SYT1: variants seen among roughly 807,000 people sequenced by gnomAD.
SYT1 encodes synaptotagmin-1.
SYT1 carries 8 observed loss-of-function variants against 44.8 expected under a neutral mutation model. That is an observed-to-expected ratio of 0.18 (90% CI 0.10 to 0.32). The LOEUF (loss-of-function observed/expected upper bound fraction) is 0.32, where lower values mean the gene tolerates loss of function less well. Ranked by LOEUF, SYT1 falls within the 10% of genes least tolerant of loss-of-function variation. The pLI is 1.00. For missense variants in SYT1, 286 were observed against 509.3 expected, an observed-to-expected ratio of 0.56 and a Z score of 4.22; for synonymous variants, 154 against 188.8, an observed-to-expected ratio of 0.82 and a Z score of 1.51.
intron 4 of SYT1, among the ~76,000 whole-genome samples, chr12:79,275,046 GAGA>G (rs1297562910): frequency 1.3e-5 from 2 of 152,166 alleles, no homozygotes; most frequent in African/African-American, 4.8e-5. Flanking sequence ...AGAGGAGCAG[GAGA>G]ATTCACAGTC....
intron 8 of SYT1, among the ~76,000 whole-genome samples, chr12:79,330,468 A>C (rs1009687769): frequency 6.6e-6 from 1 of 152,200 alleles, no homozygotes; most frequent in Non-Finnish European, 1.5e-5. Flanking sequence ...ACATAGAAGA[A>C]AGAGCATGGA....
At chr12:78,866,431 T>C (rs1873547506) in intron 1 of SYT1, among the ~76,000 whole-genome samples, 1 of 152,126 alleles carries the variant, frequency 6.6e-6, no homozygotes, top group Non-Finnish European at 1.5e-5. Context: ...GGGGAAAACA[T>C]TTTTGTAACG....
intron 3 of SYT1, among the ~76,000 whole-genome samples, chr12:79,216,965 C>A (rs1918193): frequency 0.69 from 104,796 of 151,844 alleles, 36,535 homozygotes; most frequent in Admixed American, 0.73. Context: ...ATTCAAGAAC[C>A]AATTACTGTA....
intron 1 of SYT1, among the ~76,000 whole-genome samples, chr12:78,884,642 A>G (rs1383121635): frequency 6.6e-6 from 1 of 151,252 alleles, no homozygotes. Flanking sequence ...TTGCATTTCT[A>G]TATACATTCA....
At chr12:79,144,879 T>C (rs2138229849) in intron 3 of SYT1, among the ~76,000 whole-genome samples, 1 of 152,370 alleles carries the variant, frequency 6.6e-6, no homozygotes, top group South Asian at 2.1e-4. Flanking sequence ...TTCTAAATTT[T>C]GTGTCATGTT....
At chr12:78,957,353 A>G (rs1879266554) in intron 1 of SYT1, among the ~76,000 whole-genome samples, 1 of 152,066 alleles carries the variant, frequency 6.6e-6, no homozygotes, top group South Asian at 2.1e-4. Context: ...TTTTTTCCCT[A>G]CTTTCATTTT....
At chr12:79,180,826 T>TC (rs1872493543) in intron 3 of SYT1, among the ~76,000 whole-genome samples, 1 of 151,998 alleles carries the variant, frequency 6.6e-6, no homozygotes, top group Non-Finnish European at 1.5e-5. Flanking sequence ...TTTGGCTGTG[T>TC]CCCCCAGCCC....
Position 79,310,368 on chromosome 12 carries a change from T to G in SYT1, c.810+10817T>G, listed in dbSNP as rs540835216. Among the ~76,000 whole-genome samples the G allele has an allele frequency of 3.9e-3, 592 of 152,262 alleles. 3 individuals are homozygous for G. The highest frequency in any genetic ancestry group is 0.013 in the African/African-American group (557 of 41,514). On this transcript the variant is annotated intron_variant, in intron 8 of 10. Coordinates refer to ENST00000261205, the MANE Select transcript of SYT1 (RefSeq NM_005639.3). ...TTCTGAGGGCTCTGTTCTGTTCCAT[T>G]GATCTATATCTCTGTTTTGGTACCA...
chr12:79,319,528 A>G (rs2138971743), intron 8 of SYT1, among the ~76,000 whole-genome samples: 1 of 152,298 alleles, frequency 6.6e-6, no homozygotes, highest in African/African-American at 2.4e-5. Flanking sequence ...GCAAGGGATG[A>G]TGTTTTGGTC....
intron 1 of SYT1, among the ~76,000 whole-genome samples, chr12:78,885,317 G>A (rs866849996): frequency 6.0e-5 from 8 of 132,262 alleles, no homozygotes; most frequent in East Asian, 2.4e-4. Flanking sequence ...GAGAGGGAGG[G>A]AAGAAGGAAG....
chr12:79,278,842 A>T (rs527404419), intron 4 of SYT1, among the ~76,000 whole-genome samples: 1 of 152,144 alleles, frequency 6.6e-6, no homozygotes, highest in Admixed American at 6.5e-5. Context: ...GATACTACAG[A>T]AATGTAAAGT....
At chr12:79,057,307 C>A (rs1383207615) in intron 3 of SYT1, among the ~76,000 whole-genome samples, 1 of 151,912 alleles carries the variant, frequency 6.6e-6, no homozygotes, top group Non-Finnish European at 1.5e-5. Context: ...GGAATCCTGG[C>A]AAAGCCTATG....
chr12:79,425,885 A>G (rs1869415015), intron 9 of SYT1, among the ~76,000 whole-genome samples: 1 of 152,236 alleles, frequency 6.6e-6, no homozygotes, highest in South Asian at 2.1e-4. Context: ...CCATTTCCTA[A>G]AAGAGGCATG....
At chr12:79,060,426 T>A (rs149142323) in intron 3 of SYT1, among the ~76,000 whole-genome samples, 1 of 151,966 alleles carries the variant, frequency 6.6e-6, no homozygotes, top group Admixed American at 6.6e-5. Context: ...ACCCTCAGAA[T>A]TTTTTCATCT....
chr12:78,893,793 G>T (rs561703426), intron 1 of SYT1, among the ~76,000 whole-genome samples: 1 of 151,670 alleles, frequency 6.6e-6, no homozygotes, highest in African/African-American at 2.4e-5. Flanking sequence ...AATTAGAAGT[G>T]AGTTTAATGT....
chr12:78,943,913 C>T (rs1878517370), intron 1 of SYT1, among the ~76,000 whole-genome samples: 1 of 152,172 alleles, frequency 6.6e-6, no homozygotes. Flanking sequence ...CTGGCTTGAA[C>T]CTCATACTAA....
chr12:78,955,059 T>G (rs1879140983), intron 1 of SYT1, among the ~76,000 whole-genome samples: 1 of 152,216 alleles, frequency 6.6e-6, no homozygotes, highest in Non-Finnish European at 1.5e-5. Context: ...TTTGCTTTTC[T>G]GTCTTTTAAT....
chr12:79,012,890 C>T (rs536790448), intron 2 of SYT1, among the ~76,000 whole-genome samples: 8 of 152,228 alleles, frequency 5.3e-5, no homozygotes, highest in South Asian at 2.1e-4. Context: ...CTTTCTGGGA[C>T]GTACCCCAGC....
intron 3 of SYT1, among the ~76,000 whole-genome samples, chr12:79,161,603 A>G (rs1173753621): frequency 3.3e-5 from 5 of 152,186 alleles, no homozygotes; most frequent in Admixed American, 3.3e-4. Context: ...TGTGTAAGAC[A>G]TTTTACATCT....
Sources: gnomAD v4.1 joint callset for allele counts (sites outside exome capture counted in the v4.1 genomes callset) on GRCh38, gnomAD v4.1.1 for gene constraint, MANE v1.5 for transcripts, NCBI Gene and HGNC (gene_info 2026-07-23, HGNC 2026-07-21) for gene names.